The following GUCY1A2 variants were observed in gnomAD, a reference collection of about 807,000 sequenced individuals.
GUCY1A2 encodes the protein guanylate cyclase 1 soluble subunit alpha 2.
A neutral mutation model predicts 63.5 loss-of-function variants in GUCY1A2; 27 were observed. That is an observed-to-expected ratio of 0.43 (90% CI 0.31 to 0.59). The LOEUF (loss-of-function observed/expected upper bound fraction) is 0.59. GUCY1A2 is among the 20% of genes least tolerant of loss of function. The pLI is 0.11. For missense variants in GUCY1A2, 768 were observed against 913.3 expected (o/e 0.84, Z 2.05); for synonymous variants, 364 against 343.5 (o/e 1.06, Z -0.66).
At chr11:106,691,029 C>T (rs1296108875) in intron 7 of GUCY1A2, among the ~76,000 whole-genome samples, 1 of 152,090 alleles carries the variant, frequency 6.6e-6, no homozygotes, top group Admixed American at 6.6e-5. Context: ...ATGTAAAAAG[C>T]TCTATACAGC....
intron 3 of GUCY1A2, among the ~76,000 whole-genome samples, chr11:106,963,929 T>C (rs547093607): frequency 1.3e-5 from 2 of 152,296 alleles, no homozygotes; most frequent in Non-Finnish European, 2.9e-5. Flanking sequence ...TAGAGAAAAG[T>C]TGCAAGAATA....
intron 6 of GUCY1A2, among the ~76,000 whole-genome samples, chr11:106,734,959 C>T (rs1314461998): frequency 6.6e-6 from 1 of 151,914 alleles, no homozygotes; most frequent in Admixed American, 6.6e-5. Flanking sequence ...GAATAAAATA[C>T]TCTCCTAGTA....
At chr11:106,996,467 A>G (rs149112427) in intron 1 of GUCY1A2, among the ~76,000 whole-genome samples, 35 of 152,344 alleles carry the variant, frequency 2.3e-4, no homozygotes, top group Non-Finnish European at 4.6e-4. Context: ...TAAAGAACTT[A>G]GCATGAAATT....
chr11:106,973,150 G>T (rs979259524), intron 3 of GUCY1A2, among the ~76,000 whole-genome samples: 2 of 152,052 alleles, frequency 1.3e-5, no homozygotes, highest in Non-Finnish European at 2.9e-5. Flanking sequence ...TTTAGGAATT[G>T]TTTAATAAGA....
rs560472224 is a variant in GUCY1A2 at position 106,961,694 on chromosome 11, C to T, written c.487+16925G>A. On this transcript the variant is annotated intron_variant, in intron 3 of 7. Coordinates refer to ENST00000526355, the MANE Select transcript of GUCY1A2 (RefSeq NM_000855.3). ...AAAGAAGCAAGCTGACTTTTCTCTT[C>T]TCAGCACATTCCTAGCCTTGCCAGT... Among the ~76,000 whole-genome samples the T allele has an allele frequency of 5.3e-5, 8 of 152,356 alleles. No individual in the cohort carries two copies. The South Asian group carries it at 1.7e-3, about 32-fold the overall frequency.
At chr11:106,820,080 C>T (rs998756748) in intron 4 of GUCY1A2, among the ~76,000 whole-genome samples, 3 of 151,962 alleles carry the variant, frequency 2.0e-5, no homozygotes, top group Non-Finnish European at 4.4e-5. Context: ...GTTTTCCTTG[C>T]TTATTTGTTT....
chr11:106,716,560 G>A (rs539164283), intron 6 of GUCY1A2, among the ~76,000 whole-genome samples: 1 of 152,024 alleles, frequency 6.6e-6, no homozygotes, highest in East Asian at 2.0e-4. Context: ...GCCACCCCCA[G>A]GTCCAGGAAC....
intron 4 of GUCY1A2, chr11:106,827,947 C>T: frequency 1.8e-6 from 2 of 1,083,662 alleles, no homozygotes; most frequent in Non-Finnish European, 1.4e-6. Context: ...AGACTCTGGA[C>T]TCCAGGAGAG....
At chr11:106,827,660 A>G in intron 4 of GUCY1A2, 1 of 1,541,534 alleles carries the variant, frequency 6.5e-7, no homozygotes, top group Admixed American at 1.7e-5. Context: ...TGATGTTGGG[A>G]AAGCGTTTTT....
At chr11:106,977,571 A>G (rs1861278900) in intron 3 of GUCY1A2, among the ~76,000 whole-genome samples, 1 of 152,238 alleles carries the variant, frequency 6.6e-6, no homozygotes, top group African/African-American at 2.4e-5. Context: ...CTGGATTCCC[A>G]GCTTGAATGT....
At chr11:106,768,271 C>T (rs1438594104) in intron 6 of GUCY1A2, among the ~76,000 whole-genome samples, 3 of 152,026 alleles carry the variant, frequency 2.0e-5, no homozygotes, top group Non-Finnish European at 4.4e-5. Context: ...TACAGGTATG[C>T]CCCCCTACCA....
At chr11:106,833,754 C>T (rs1244544367) in intron 4 of GUCY1A2, among the ~76,000 whole-genome samples, 1 of 151,928 alleles carries the variant, frequency 6.6e-6, no homozygotes, top group Non-Finnish European at 1.5e-5. Flanking sequence ...GAAAAATAGA[C>T]AAAATATCTT....
chr11:106,981,841 T>C (rs1355735429), intron 2 of GUCY1A2, among the ~76,000 whole-genome samples: 1 of 151,932 alleles, frequency 6.6e-6, no homozygotes, highest in Non-Finnish European at 1.5e-5. Context: ...AACAACAGAT[T>C]CTAAACTTTA....
chr11:106,941,847 CCT>C (rs1860755976), intron 3 of GUCY1A2, among the ~76,000 whole-genome samples: 1 of 152,098 alleles, frequency 6.6e-6, no homozygotes, highest in Admixed American at 6.6e-5. Flanking sequence ...GAGTAGAAAA[CCT>C]AAGTGAGAAA....
At chr11:106,860,459 GC>G (rs1395851004) in intron 4 of GUCY1A2, among the ~76,000 whole-genome samples, 1 of 151,652 alleles carries the variant, frequency 6.6e-6, no homozygotes, top group African/African-American at 2.4e-5. Context: ...TTCCTTTATA[GC>G]CCCATTGACA....
chr11:106,778,352 T>C lies in GUCY1A2; in HGVS notation c.1693-1770A>G, dbSNP rs569397188. Among the ~76,000 whole-genome samples, 5 of 152,360 alleles carry C rather than the reference T, an allele frequency of 3.3e-5. No homozygotes were observed. In the East Asian group the frequency reaches 5.8e-4, roughly 18 times the overall value. On this transcript the variant is annotated intron_variant, in intron 5 of 7. Transcript: ENST00000526355. Reference sequence around the variant, plus strand: ...ACAGCACTTCCACATCTTTCTGCTTTAACGTTCAGCACAAGCTATAATCAA... The same window carrying C: ...ACAGCACTTCCACATCTTTCTGCTTCAACGTTCAGCACAAGCTATAATCAA...
At chr11:106,893,586 A>G (rs1397247011) in intron 4 of GUCY1A2, among the ~76,000 whole-genome samples, 1 of 152,190 alleles carries the variant, frequency 6.6e-6, no homozygotes, top group Admixed American at 6.5e-5. Flanking sequence ...CTTGGAAGTC[A>G]CCACTTCATC....
At chr11:106,779,996 C>G (rs1473580198) in intron 5 of GUCY1A2, among the ~76,000 whole-genome samples, 4 of 152,106 alleles carry the variant, frequency 2.6e-5, no homozygotes, top group Non-Finnish European at 5.9e-5. Context: ...GCCTGGGCAA[C>G]AGTGAGACCT....
chr11:106,977,653 A>C (rs1019318795), intron 3 of GUCY1A2, among the ~76,000 whole-genome samples: 1 of 152,074 alleles, frequency 6.6e-6, no homozygotes, highest in Non-Finnish European at 1.5e-5. Context: ...GGTAACCTGG[A>C]AACTGTTTGT....
Sources: allele counts gnomAD v4.1 joint callset (sites outside exome capture counted in the v4.1 genomes callset), GRCh38; gene constraint gnomAD v4.1.1; transcripts MANE v1.5; gene names NCBI Gene and HGNC (gene_info 2026-07-23, HGNC 2026-07-21).